PARD3B: variants seen among roughly 807,000 people sequenced by gnomAD.
The protein encoded by PARD3B is partitioning defective 3 homolog B.
A neutral mutation model predicts 130.2 loss-of-function variants in PARD3B; 103 were observed. The ratio of observed to expected loss-of-function variants is 0.79; its 90% CI spans 0.67 to 0.93. The LOEUF is 0.93. Among genes scored for constraint, PARD3B ranks in the 40% least tolerant of loss-of-function variants. The probability of loss-of-function intolerance (pLI) is 0.00; values close to 1 mark genes in which losing one functional copy is unlikely to be tolerated. For missense variants in PARD3B, 1,609 were observed against 1,499.2 expected (o/e 1.07, Z -1.21); for synonymous variants, 583 against 553.2 (o/e 1.05, Z -0.76).
intron 20 of PARD3B, among the ~76,000 whole-genome samples, chr2:205,491,585 A>G (rs551517624): frequency 7.2e-5 from 11 of 152,178 alleles, no homozygotes; most frequent in Non-Finnish European, 1.3e-4. Context: ...TGACTTGGCA[A>G]TGCGGGCTCT....
chr2:204,683,014 C>A (rs921167292), intron 1 of PARD3B, among the ~76,000 whole-genome samples: 2 of 152,286 alleles, frequency 1.3e-5, no homozygotes, highest in East Asian at 3.9e-4. Context: ...AACTCTTCTT[C>A]CTGTAATGCC....
intron 2 of PARD3B, among the ~76,000 whole-genome samples, chr2:204,802,983 T>TATA (rs147774357): frequency 0.074 from 10,988 of 148,856 alleles, 489 homozygotes; most frequent in Middle Eastern, 0.12. Context: ...GAAACTAAAG[T>TATA]ATAATAATAA....
At chr2:204,645,631 A>T (rs1021761275) in intron 1 of PARD3B, among the ~76,000 whole-genome samples, 1 of 152,114 alleles carries the variant, frequency 6.6e-6, no homozygotes, top group African/African-American at 2.4e-5. Flanking sequence ...GCTCTCTTAG[A>T]CTCATCATAG....
intron 4 of PARD3B, among the ~76,000 whole-genome samples, chr2:205,084,947 C>T (rs1701656104): frequency 6.6e-6 from 1 of 151,776 alleles, no homozygotes; most frequent in South Asian, 2.1e-4. Flanking sequence ...TATTAGATGC[C>T]ACTTTCTATG....
chr2:205,120,349 G>A (rs544284552), intron 7 of PARD3B, among the ~76,000 whole-genome samples: 1 of 152,058 alleles, frequency 6.6e-6, no homozygotes, highest in Admixed American at 6.6e-5. Context: ...AAATAACATA[G>A]GGGAACTGAC....
intron 2 of PARD3B, among the ~76,000 whole-genome samples, chr2:204,889,889 A>G (rs2046387394): frequency 6.6e-6 from 1 of 152,164 alleles, no homozygotes; most frequent in Non-Finnish European, 1.5e-5. Context: ...CCGTGAAATA[A>G]CAAACTGGTT....
chr2:205,472,744 A>C (rs553115144), intron 20 of PARD3B, among the ~76,000 whole-genome samples: 3 of 152,290 alleles, frequency 2.0e-5, no homozygotes, highest in Admixed American at 6.5e-5. Context: ...GAAGCTATGT[A>C]GTCTTCAACC....
chr2:204,921,287 G>GATCTAC (rs2125751326), intron 2 of PARD3B, among the ~76,000 whole-genome samples: 1 of 152,264 alleles, frequency 6.6e-6, no homozygotes, highest in East Asian at 1.9e-4. Flanking sequence ...TAATGTTGAA[G>GATCTAC]AGTATCCCTG....
chr2:205,191,776 C>G (rs7576652), intron 14 of PARD3B, among the ~76,000 whole-genome samples: 46,954 of 152,006 alleles, frequency 0.31, 8,595 homozygotes, highest in African/African-American at 0.52. Flanking sequence ...TTAGTTGACA[C>G]TGCTAGTAAG....
At chr2:205,075,729 A>G (rs1223218765) in intron 4 of PARD3B, among the ~76,000 whole-genome samples, 2 of 151,418 alleles carry the variant, frequency 1.3e-5, no homozygotes, top group Non-Finnish European at 2.9e-5. Context: ...TTTCTGATAC[A>G]ATCATGAAAA....
At chr2:204,878,482 C>G (rs922183925) in intron 2 of PARD3B, among the ~76,000 whole-genome samples, 2 of 152,024 alleles carry the variant, frequency 1.3e-5, no homozygotes, top group African/African-American at 2.4e-5. Context: ...CTTCCAAATA[C>G]AGTCACAATT....
At chr2:204,652,262 A>C (rs1001080582) in intron 1 of PARD3B, among the ~76,000 whole-genome samples, 6 of 152,036 alleles carry the variant, frequency 3.9e-5, no homozygotes, top group Non-Finnish European at 8.8e-5. Context: ...CATAAGTTAC[A>C]GTTTCAGGCC....
At chr2:205,347,725 A>G (rs1006896032) in intron 18 of PARD3B, 5 of 152,158 alleles carry the variant, frequency 3.3e-5, no homozygotes, top group African/African-American at 1.2e-4. Context: ...TGGCAAACCT[A>G]CTGATATGTG....
intron 3 of PARD3B, among the ~76,000 whole-genome samples, chr2:205,018,185 C>G (rs941561533): frequency 4.6e-5 from 7 of 152,018 alleles, no homozygotes; most frequent in Non-Finnish European, 7.4e-5. Context: ...CCATGTAATA[C>G]TCAGATCATT....
At position 205,463,544 on chromosome 2, in the gene PARD3B, G is replaced by A. The variant is rs865969719; in HGVS notation, c.3044+22872G>A. Among the ~76,000 whole-genome samples the A allele has an allele frequency of 4.6e-5, 7 of 152,200 alleles. No homozygotes were observed. Among genetic ancestry groups the A allele is most frequent in the Middle Eastern group, 3.4e-3 (1 of 292 alleles). ...TATAAGCTCAGTGAGCTCTGAGAAC[G>A]GGGAGAGAGATCATTACACTTCTGC... On this transcript the variant is annotated intron_variant, in intron 20 of 22. Coordinates refer to ENST00000406610, the MANE Select transcript of PARD3B (RefSeq NM_001302769.2). The surrounding 1 kb of genome is among the most constrained non-coding windows in gnomAD (Gnocchi z 4.8).
chr2:205,125,172 C>T lies in PARD3B; in HGVS notation c.1306-437C>T, dbSNP rs2125630803. ...CCCTTAATCTATGATAATCTGGTGA[C>T]TATAATTTTCTAAATATGTTTAAAA... On this transcript the variant is annotated intron_variant, in intron 9 of 22. Transcript: ENST00000406610. This position sits in a 1 kb window ranked among gnomAD's most constrained non-coding sequence, Gnocchi z 4.0. 6.6e-6 allele frequency among the ~76,000 whole-genome samples: 1 copy of T among 152,284 alleles called. No individual in the cohort carries two copies. The highest frequency in any genetic ancestry group is 2.1e-4 in the South Asian group (1 of 4,828).
chr2:204,860,772 G>T (rs2045149908), intron 2 of PARD3B, among the ~76,000 whole-genome samples: 1 of 152,146 alleles, frequency 6.6e-6, no homozygotes, highest in Non-Finnish European at 1.5e-5. Flanking sequence ...CTACTGAAAA[G>T]ATATCTCTTT....
intron 21 of PARD3B, among the ~76,000 whole-genome samples, chr2:205,520,887 A>G (rs776589740): frequency 2.0e-5 from 3 of 152,024 alleles, no homozygotes; most frequent in Non-Finnish European, 2.9e-5. Flanking sequence ...TCACTTTACC[A>G]TTATTGGACG....
At chr2:204,812,393 T>C (rs1171145668) in intron 2 of PARD3B, among the ~76,000 whole-genome samples, 4 of 152,152 alleles carry the variant, frequency 2.6e-5, no homozygotes, top group African/African-American at 9.7e-5. Flanking sequence ...TGAAAGTTTA[T>C]TAAAAAGTTT....
Sources: gnomAD v4.1 joint callset for allele counts (sites outside exome capture counted in the v4.1 genomes callset) on GRCh38, gnomAD v4.1.1 for gene constraint, Gnocchi (gnomAD v3.1) non-coding constraint, MANE v1.5 for transcripts, NCBI Gene and HGNC (gene_info 2026-07-23, HGNC 2026-07-21) for gene names.